The following SOCS5 variants were observed in gnomAD, a reference collection of about 807,000 sequenced individuals.
The protein encoded by SOCS5 is suppressor of cytokine signaling 5.
A neutral mutation model predicts 42.8 loss-of-function variants in SOCS5; 32 were observed. The ratio of observed to expected loss-of-function variants is 0.75; its 90% confidence interval spans 0.56 to 1.01. SOCS5 has a LOEUF of 1.01. SOCS5 is among the 50% of genes least tolerant of loss of function. The pLI is 0.00. For missense variants in SOCS5, 627 were observed against 653.0 expected (o/e 0.96, Z 0.43); for synonymous variants, 283 against 229.6 (o/e 1.23, Z -2.10).
At chr2:46,750,462 T>C (rs983820119) in intron 1 of SOCS5, among the ~76,000 whole-genome samples, 1 of 152,098 alleles carries the variant, frequency 6.6e-6, no homozygotes, top group African/African-American at 2.4e-5. Context: ...TGTGTCTTCT[T>C]TTTTCTTCTT....
At chr2:46,708,681 A>G (rs890515988) in intron 1 of SOCS5, among the ~76,000 whole-genome samples, 4 of 152,176 alleles carry the variant, frequency 2.6e-5, no homozygotes, top group Non-Finnish European at 5.9e-5. Flanking sequence ...AAAGCCAGAA[A>G]TATTTGAGTG....
chr2:46,732,052 G>A (rs555704543), intron 1 of SOCS5, among the ~76,000 whole-genome samples: 1 of 152,310 alleles, frequency 6.6e-6, no homozygotes, highest in African/African-American at 2.4e-5. Flanking sequence ...GCTAGGAGAT[G>A]TTTGAGGTAT....
intron 1 of SOCS5, among the ~76,000 whole-genome samples, chr2:46,722,820 C>T (rs1428324264): frequency 6.6e-6 from 1 of 152,098 alleles, no homozygotes; most frequent in Non-Finnish European, 1.5e-5. Flanking sequence ...AGTTGCTTTG[C>T]ATCCTTGTCA....
intron 1 of SOCS5, among the ~76,000 whole-genome samples, chr2:46,705,426 C>T (rs936897523): frequency 2.6e-5 from 4 of 152,124 alleles, no homozygotes; most frequent in South Asian, 2.1e-4. Flanking sequence ...GCTTGCTTTT[C>T]GGTAGAGAGA....
At chr2:46,709,624 C>T (rs953409343) in intron 1 of SOCS5, among the ~76,000 whole-genome samples, 4 of 152,060 alleles carry the variant, frequency 2.6e-5, no homozygotes, top group African/African-American at 9.7e-5. Flanking sequence ...AAGTGAAGGA[C>T]CTGGTGAACA....
intron 1 of SOCS5, among the ~76,000 whole-genome samples, chr2:46,734,027 C>T (rs1234707963): frequency 6.6e-6 from 1 of 152,090 alleles, no homozygotes. Flanking sequence ...ATAATGGAAA[C>T]GTTGTGGGAC....
At chr2:46,710,588 C>G (rs1418923653) in intron 1 of SOCS5, among the ~76,000 whole-genome samples, 1 of 151,928 alleles carries the variant, frequency 6.6e-6, no homozygotes, top group African/African-American at 2.4e-5. Context: ...AAACTCTAAG[C>G]AAACTAAATA....
chr2:46,705,731 T>G (rs1672447784), intron 1 of SOCS5, among the ~76,000 whole-genome samples: 1 of 152,226 alleles, frequency 6.6e-6, no homozygotes, highest in African/African-American at 2.4e-5. Context: ...CCCATTATCC[T>G]TCAGGTGATC....
chr2:46,714,510 A>G (rs966165614), intron 1 of SOCS5, among the ~76,000 whole-genome samples: 1 of 152,146 alleles, frequency 6.6e-6, no homozygotes, highest in African/African-American at 2.4e-5. Flanking sequence ...TAACCTATTT[A>G]TATCATTATA....
At chr2:46,705,346 T>C (rs1277664672) in intron 1 of SOCS5, among the ~76,000 whole-genome samples, 2 of 152,184 alleles carry the variant, frequency 1.3e-5, no homozygotes, top group Non-Finnish European at 2.9e-5. Flanking sequence ...ACGCTGTCTC[T>C]AGGTGTAGCT....
chr2:46,754,006 T>C (rs1369382086), intron 1 of SOCS5, among the ~76,000 whole-genome samples: 2 of 152,184 alleles, frequency 1.3e-5, no homozygotes, highest in African/African-American at 2.4e-5. Flanking sequence ...AGGGTCTTTG[T>C]GACCTGTATC....
At chr2:46,726,095 T>A (rs546302830) in intron 1 of SOCS5, among the ~76,000 whole-genome samples, 2 of 152,098 alleles carry the variant, frequency 1.3e-5, no homozygotes, top group Non-Finnish European at 2.9e-5. Flanking sequence ...TATTTAAAAA[T>A]TTATTTATTT....
intron 1 of SOCS5, among the ~76,000 whole-genome samples, chr2:46,742,929 G>A (rs1673410940): frequency 6.6e-6 from 1 of 152,112 alleles, no homozygotes; most frequent in African/African-American, 2.4e-5. Flanking sequence ...CTCCCAAAGT[G>A]CTGGGATTAC....
At chr2:46,726,098 A>T (rs1390553260) in intron 1 of SOCS5, among the ~76,000 whole-genome samples, 1 of 151,142 alleles carries the variant, frequency 6.6e-6, no homozygotes, top group East Asian at 1.9e-4. Flanking sequence ...TTAAAAATTT[A>T]TTTATTTATT....
intron 1 of SOCS5, among the ~76,000 whole-genome samples, chr2:46,746,537 G>A (rs1673500389): frequency 6.6e-6 from 1 of 151,904 alleles, no homozygotes; most frequent in Non-Finnish European, 1.5e-5. Context: ...TGTAGTCCCA[G>A]CTACTCGGGA....
At chr2:46,710,352 G>A (rs1469464542) in intron 1 of SOCS5, among the ~76,000 whole-genome samples, 1 of 152,016 alleles carries the variant, frequency 6.6e-6, no homozygotes. Flanking sequence ...TCACCACGTT[G>A]GTTAGGCTGG....
rs755097834 is a variant in SOCS5 at position 46,762,124 on chromosome 2, T to C, written c.*1983T>C. The C allele has an allele frequency of 1.2e-5, 2 of 167,042 alleles. No individual in the cohort carries two copies. Among genetic ancestry groups the C allele is most frequent in the Admixed American group, 6.5e-5 (1 of 15,274 alleles). The allele number at this position is 167,042 out of a possible 1,614,324, so 10.3% of individuals were successfully genotyped here. ...GCAAAATGGGGATTGAAGGGACTTA[T>C]AATTTCTGTTGTTTCTAATTAAAGT... On this transcript the variant is annotated 3_prime_UTR_variant, in exon 2 of 2. Transcript: ENST00000394861.
chr2:46,729,835 T>G (rs1468654928), intron 1 of SOCS5, among the ~76,000 whole-genome samples: 2 of 152,252 alleles, frequency 1.3e-5, no homozygotes, highest in Non-Finnish European at 1.5e-5. Context: ...TTTTACTTTG[T>G]AGACTTTTTA....
At chr2:46,740,076 C>A (rs1193188299) in intron 1 of SOCS5, among the ~76,000 whole-genome samples, 1 of 152,162 alleles carries the variant, frequency 6.6e-6, no homozygotes, top group African/African-American at 2.4e-5. Flanking sequence ...CTGGATAAGA[C>A]CTTTTGTTAT....
Sources: gnomAD v4.1 joint callset for allele counts (sites outside exome capture counted in the v4.1 genomes callset) on GRCh38, gnomAD v4.1.1 for gene constraint, MANE v1.5 for transcripts, NCBI Gene and HGNC (gene_info 2026-07-23, HGNC 2026-07-21) for gene names.